ZSWIM6: variants seen among roughly 807,000 people sequenced by gnomAD.
The protein encoded by ZSWIM6 is zinc finger SWIM-type containing 6.
In ZSWIM6, 9 loss-of-function variants were observed where a neutral mutation model predicts 113.2. The ratio of observed to expected loss-of-function variants is 0.08; its 90% CI spans 0.05 to 0.14. The LOEUF is 0.14. Among genes scored for constraint, ZSWIM6 ranks in the 10% least tolerant of loss-of-function variants. ZSWIM6 has a pLI of 1.00. For missense variants in ZSWIM6, 1,162 were observed against 1,552.2 expected (o/e 0.75, Z 4.22); for synonymous variants, 611 against 606.5 (o/e 1.01, Z -0.11).
chr5:61,375,213 G>T, intron 1 of ZSWIM6: 2 of 1,613,294 alleles, frequency 1.2e-6, no homozygotes, highest in Non-Finnish European at 1.7e-6. Flanking sequence ...AGGATTATCT[G>T]AATCGACCAA....
At chr5:61,370,102 C>G (rs1158339870) in intron 1 of ZSWIM6, among the ~76,000 whole-genome samples, 1 of 152,220 alleles carries the variant, frequency 6.6e-6, no homozygotes, top group South Asian at 2.1e-4. Context: ...TTTGCATCCT[C>G]TGTACAAAAG....
Position 61,500,100 on chromosome 5 carries a change from T to TTTATTATTATTATTATTA in ZSWIM6, c.1333+5701_1333+5718dup, listed in dbSNP as rs61415779. On this transcript the variant is annotated intron_variant, in intron 4 of 13. Coordinates refer to ENST00000252744, the MANE Select transcript of ZSWIM6 (RefSeq NM_020928.2). ...CACCAGTCTAGACAATGTCCTCAGC[T>TTTATTATTATTATTATTA]TTATTATTATTATTATTATTATTAT... 1.5e-3 allele frequency among the ~76,000 whole-genome samples: 211 copies of TTTATTATTATTATTATTA among 145,322 alleles called. 1 individual carries two copies. The highest frequency in any genetic ancestry group is 2.2e-3 in the South Asian group (10 of 4,482).
At chr5:61,432,437 A>G (rs565428444) in intron 1 of ZSWIM6, among the ~76,000 whole-genome samples, 16 of 152,346 alleles carry the variant, frequency 1.1e-4, no homozygotes, top group African/African-American at 3.4e-4. Flanking sequence ...TTGCATATTA[A>G]TTGAAACTGG....
intron 1 of ZSWIM6, among the ~76,000 whole-genome samples, chr5:61,439,996 T>C (rs1258349767): frequency 6.6e-6 from 1 of 152,120 alleles, no homozygotes; most frequent in Non-Finnish European, 1.5e-5. Flanking sequence ...TGCCAAATCA[T>C]GACTTAGTAT....
In ZSWIM6 at chr5:61,518,251, G is replaced by A. The variant is rs866192483; in HGVS notation, c.1334-3012G>A. Among the ~76,000 whole-genome samples, 40 of 151,884 alleles carry A rather than the reference G, an allele frequency of 2.6e-4. 1 individual carries two copies. The highest frequency in any genetic ancestry group is 9.4e-4 in the African/African-American group (39 of 41,416). On this transcript the variant is annotated intron_variant, in intron 4 of 13. Transcript: ENST00000252744. ...GTGAATAATGCCGCAATAAACATAC[G>A]TGTGCATGTGTCTTTATAGCAGCAT...
intron 4 of ZSWIM6, among the ~76,000 whole-genome samples, chr5:61,517,304 G>A (rs115041050): frequency 0.011 from 1,612 of 151,990 alleles, 27 homozygotes; most frequent in African/African-American, 0.037. Flanking sequence ...TTTAAGGCTC[G>A]GCTCATTTAT....
chr5:61,429,046 T>C lies in ZSWIM6; in HGVS notation c.677-43635T>C, dbSNP rs1469082807. On this transcript the variant is annotated intron_variant, in intron 1 of 13. Transcript: ENST00000252744. ...CTTACATTTCTTGGGAAATCTTCCA[T>C]TACATTTTTATCATTTTATGTAAAT... Among the ~76,000 whole-genome samples the C allele has an allele frequency of 8.5e-5, 13 of 152,336 alleles. No individual in the cohort carries two copies. In the East Asian group the frequency reaches 2.5e-3, roughly 29 times the overall value.
chr5:61,412,986 A>C (rs1219681608), intron 1 of ZSWIM6, among the ~76,000 whole-genome samples: 1 of 149,902 alleles, frequency 6.7e-6, no homozygotes, highest in Non-Finnish European at 1.5e-5. Context: ...TTATTTCACT[A>C]TTGTTTATTT....
intron 1 of ZSWIM6, among the ~76,000 whole-genome samples, chr5:61,334,027 C>T (rs1195688795): frequency 6.6e-6 from 1 of 152,216 alleles, no homozygotes; most frequent in Non-Finnish European, 1.5e-5. Flanking sequence ...GTGCCCCTTT[C>T]AGTTTTCTGT....
chr5:61,445,776 A>T (rs1050630741), intron 1 of ZSWIM6, among the ~76,000 whole-genome samples: 16 of 152,224 alleles, frequency 1.1e-4, no homozygotes, highest in Non-Finnish European at 1.5e-5. Flanking sequence ...TGAAAGCAAA[A>T]GTAAATAGAA....
At chr5:61,435,397 G>A (rs186811034) in intron 1 of ZSWIM6, among the ~76,000 whole-genome samples, 2 of 152,204 alleles carry the variant, frequency 1.3e-5, no homozygotes, top group East Asian at 3.9e-4. Context: ...TTAAAAAGTT[G>A]GTCTATATGG....
intron 1 of ZSWIM6, among the ~76,000 whole-genome samples, chr5:61,453,052 T>G (rs1747119128): frequency 6.6e-6 from 1 of 152,212 alleles, no homozygotes; most frequent in Non-Finnish European, 1.5e-5. Flanking sequence ...CTCATTGCAT[T>G]GTATCAGGGA....
chr5:61,357,470 G>T (rs931272201), intron 1 of ZSWIM6, among the ~76,000 whole-genome samples: 2 of 151,888 alleles, frequency 1.3e-5, no homozygotes, highest in African/African-American at 4.8e-5. Flanking sequence ...ACTACCTAAA[G>T]AAGAGATGGA....
chr5:61,529,813 T>G (rs1442465894), intron 7 of ZSWIM6, among the ~76,000 whole-genome samples: 9 of 152,224 alleles, frequency 5.9e-5, no homozygotes, highest in Non-Finnish European at 1.5e-5. Context: ...GGAGCTGTCC[T>G]GGAAATTCAG....
chr5:61,427,708 C>T lies in ZSWIM6; in HGVS notation c.677-44973C>T, dbSNP rs190195896. Among the ~76,000 whole-genome samples, 142 of 151,992 alleles carry T rather than the reference C, an allele frequency of 9.3e-4. 1 individual carries two copies. The highest frequency in any genetic ancestry group is 3.3e-3 in the African/African-American group (135 of 41,456). ...ATTGCCCTGGGTGGTCTCGAACTCCCGGGCTTAAGTGATCCTCCTGCTTTA... is the reference window on the plus strand; with the variant it reads ...ATTGCCCTGGGTGGTCTCGAACTCCTGGGCTTAAGTGATCCTCCTGCTTTA... On this transcript the variant is annotated intron_variant, in intron 1 of 13. Coordinates refer to ENST00000252744, the MANE Select transcript of ZSWIM6 (RefSeq NM_020928.2).
intron 7 of ZSWIM6, among the ~76,000 whole-genome samples, chr5:61,527,239 A>G (rs1052458437): frequency 3.9e-5 from 6 of 152,152 alleles, no homozygotes; most frequent in African/African-American, 1.4e-4. Flanking sequence ...TGTTCCTTCT[A>G]TAGGTATAAA....
intron 1 of ZSWIM6, chr5:61,375,031 A>G: frequency 3.1e-6 from 4 of 1,277,364 alleles, no homozygotes; most frequent in Non-Finnish European, 4.5e-6. Context: ...GAGAGGTGGG[A>G]CCAAGTCTAT....
chr5:61,404,312 C>T (rs1035323352), intron 1 of ZSWIM6, among the ~76,000 whole-genome samples: 3 of 152,110 alleles, frequency 2.0e-5, no homozygotes, highest in African/African-American at 7.2e-5. Context: ...CATTTTTTCC[C>T]CTTGTTCCCA....
At chr5:61,362,200 AC>A (rs1745043731) in intron 1 of ZSWIM6, among the ~76,000 whole-genome samples, 1 of 146,984 alleles carries the variant, frequency 6.8e-6, no homozygotes, top group Non-Finnish European at 1.5e-5. Context: ...CTTCTTACTC[AC>A]TTTTTTTTTT....
Sources: gnomAD v4.1 joint callset for allele counts (sites outside exome capture counted in the v4.1 genomes callset) on GRCh38, gnomAD v4.1.1 for gene constraint, MANE v1.5 for transcripts, NCBI Gene and HGNC (gene_info 2026-07-23, HGNC 2026-07-21) for gene names.